The following ELP3 variants were observed in gnomAD, a reference collection of about 807,000 sequenced individuals.
ELP3 encodes elongator complex protein 3.
In ELP3, 56 loss-of-function variants were observed where a neutral mutation model predicts 74.9. That is an observed-to-expected ratio of 0.75 (90% CI 0.60 to 0.93). The LOEUF (loss-of-function observed/expected upper bound fraction) is 0.93, where lower values mean the gene tolerates loss of function less well. ELP3 is among the 40% of genes least tolerant of loss of function. ELP3 has a pLI of 0.00. For missense variants in ELP3, 573 were observed against 686.5 expected (o/e 0.83, Z 1.85); for synonymous variants, 222 against 239.8 (o/e 0.93, Z 0.68).
intron 10 of ELP3, among the ~76,000 whole-genome samples, chr8:28,145,572 C>T (rs567862417): frequency 2.3e-4 from 35 of 152,300 alleles, no homozygotes; most frequent in Non-Finnish European, 4.7e-4. Flanking sequence ...ATAGGCAACA[C>T]ACTGTTGACT....
At chr8:28,153,549 G>C (rs1306617974) in intron 10 of ELP3, among the ~76,000 whole-genome samples, 1 of 152,152 alleles carries the variant, frequency 6.6e-6, no homozygotes, top group Non-Finnish European at 1.5e-5. Context: ...TTTGGATGTA[G>C]GGAAGGGGCA....
intron 3 of ELP3, among the ~76,000 whole-genome samples, chr8:28,105,473 G>C (rs1811652279): frequency 6.6e-6 from 1 of 152,200 alleles, no homozygotes; most frequent in African/African-American, 2.4e-5. Context: ...TCCCCAAGGA[G>C]CCCTGGTTTC....
At chr8:28,140,129 TG>T (rs1484154923) in intron 10 of ELP3, among the ~76,000 whole-genome samples, 3 of 151,076 alleles carry the variant, frequency 2.0e-5, no homozygotes, top group African/African-American at 7.3e-5. Flanking sequence ...TGTGTGTGTG[TG>T]TGTGTGTGTG....
chr8:28,134,298 A>C (rs989633785), intron 9 of ELP3, among the ~76,000 whole-genome samples: 2 of 152,228 alleles, frequency 1.3e-5, no homozygotes, highest in Non-Finnish European at 2.9e-5. Flanking sequence ...GTCTCAGTAC[A>C]TATTTTCCTT....
chr8:28,173,963 A>T (rs1563288153), intron 14 of ELP3, among the ~76,000 whole-genome samples: 1 of 151,982 alleles, frequency 6.6e-6, no homozygotes, highest in African/African-American at 2.4e-5. Flanking sequence ...AAGGCATTTT[A>T]TATAATTTCA....
At chr8:28,138,205 T>A (rs13250007) in intron 10 of ELP3, among the ~76,000 whole-genome samples, 1 of 151,986 alleles carries the variant, frequency 6.6e-6, no homozygotes, top group South Asian at 2.1e-4. Context: ...TGCTTCCATC[T>A]AGATGCAGTA....
intron 9 of ELP3, among the ~76,000 whole-genome samples, chr8:28,137,088 T>C (rs1013968797): frequency 6.6e-6 from 1 of 152,196 alleles, no homozygotes; most frequent in African/African-American, 2.4e-5. Context: ...ATCAGCAAAC[T>C]TTTCCTCTAA....
intron 9 of ELP3, among the ~76,000 whole-genome samples, chr8:28,135,360 C>T (rs565631942): frequency 6.6e-6 from 1 of 152,292 alleles, no homozygotes; most frequent in South Asian, 2.1e-4. Flanking sequence ...TTATGGGATT[C>T]CTAAATGTCA....
intron 8 of ELP3, 130 bp downstream of exon 8, chr8:28,129,793 GTTCT>G (rs1812723457): frequency 1.9e-6 from 2 of 1,047,420 alleles, no homozygotes; most frequent in East Asian, 2.4e-5. Context: ...CCTTTTCAGA[GTTCT>G]TTCTTCTGTC....
chr8:28,136,142 A>G (rs1812982255), intron 9 of ELP3, among the ~76,000 whole-genome samples: 1 of 151,846 alleles, frequency 6.6e-6, no homozygotes, highest in Admixed American at 6.6e-5. Flanking sequence ...TTGTATTTTT[A>G]GTAGAGATGG....
At chr8:28,122,038 T>C (rs528421170) in intron 7 of ELP3, among the ~76,000 whole-genome samples, 7 of 152,392 alleles carry the variant, frequency 4.6e-5, no homozygotes, top group Admixed American at 3.3e-4. Flanking sequence ...CTCATTTGTC[T>C]GATGCTTTCT....
chr8:28,106,580 C>T (rs1326366517), intron 3 of ELP3, 133 bp from the exon 4 acceptor site: 4 of 496,182 alleles, frequency 8.1e-6, no homozygotes, highest in African/African-American at 2.0e-5. Context: ...AATACAGCCT[C>T]GTCAATACCT....
chr8:28,096,408 G>A (rs372639036), intron 1 of ELP3, among the ~76,000 whole-genome samples: 3 of 152,200 alleles, frequency 2.0e-5, no homozygotes, highest in Non-Finnish European at 2.9e-5. Context: ...AAAAAGGTTG[G>A]GAACCACTGC....
At chr8:28,130,670 G>A (rs1361968255) in intron 8 of ELP3, among the ~76,000 whole-genome samples, 1 of 152,186 alleles carries the variant, frequency 6.6e-6, no homozygotes, top group African/African-American at 2.4e-5. Flanking sequence ...AGACAGTTGT[G>A]CAGATGGAGG....
chr8:28,172,654 A>G (rs546872103), intron 14 of ELP3, among the ~76,000 whole-genome samples: 3 of 151,992 alleles, frequency 2.0e-5, no homozygotes, highest in East Asian at 1.9e-4. Flanking sequence ...ATTCTTGCCT[A>G]ATTCCTCTGG....
At chr8:28,101,345 G>A (rs573539156) in intron 3 of ELP3, among the ~76,000 whole-genome samples, 5 of 151,928 alleles carry the variant, frequency 3.3e-5, no homozygotes, top group African/African-American at 4.8e-5. Context: ...GTGTGAACCC[G>A]GGAGGTGGAG....
chr8:28,178,263 C>T (rs1255049103), intron 14 of ELP3, among the ~76,000 whole-genome samples: 1 of 152,138 alleles, frequency 6.6e-6, no homozygotes, highest in African/African-American at 2.4e-5. Flanking sequence ...TTTCAACATA[C>T]GAATTTTGTG....
intron 10 of ELP3, among the ~76,000 whole-genome samples, chr8:28,146,934 G>C (rs980508560): frequency 6.6e-6 from 1 of 152,216 alleles, no homozygotes; most frequent in African/African-American, 2.4e-5. Context: ...TCTGTTACCA[G>C]GTCCTCACTG....
At chr8:28,131,139 T>C (rs1185582723) in intron 8 of ELP3, among the ~76,000 whole-genome samples, 9 of 152,144 alleles carry the variant, frequency 5.9e-5, no homozygotes, top group Admixed American at 5.9e-4. Context: ...ATGGTGGTGA[T>C]TGGTGACTGA....
Sources: gnomAD v4.1 joint callset for allele counts (sites outside exome capture counted in the v4.1 genomes callset) on GRCh38, gnomAD v4.1.1 for gene constraint, MANE v1.5 for transcripts, NCBI Gene and HGNC (gene_info 2026-07-23, HGNC 2026-07-21) for gene names.